SESTD1: variants seen among roughly 807,000 people sequenced by gnomAD.
The protein encoded by SESTD1 is SEC14 and spectrin domain containing 1, also known as SEC14 domain and spectrin repeat-containing protein 1.
In SESTD1, 43 loss-of-function variants were observed where a neutral mutation model predicts 101.7. The ratio of observed to expected loss-of-function variants is 0.42; its 90% CI spans 0.33 to 0.55. The LOEUF (loss-of-function observed/expected upper bound fraction) is 0.55, where lower values mean the gene tolerates loss of function less well. Among genes scored for constraint, SESTD1 ranks in the 20% least tolerant of loss-of-function variants. The pLI is 0.07. For synonymous variants in SESTD1, 283 were observed against 286.8 expected, an observed-to-expected ratio of 0.99 and a Z score of 0.13; for missense variants, 647 against 815.1, an observed-to-expected ratio of 0.79 and a Z score of 2.51.
intron 3 of SESTD1, among the ~76,000 whole-genome samples, chr2:179,177,839 CCAAA>C (rs1222227581): frequency 1.3e-5 from 2 of 152,084 alleles, no homozygotes; most frequent in African/African-American, 4.8e-5. Flanking sequence ...CACAGTATAA[CCAAA>C]CAATGAGACA....
At chr2:179,162,514 A>G (rs1484969124) in intron 5 of SESTD1, 3 of 152,176 alleles carry the variant, frequency 2.0e-5, no homozygotes, top group Non-Finnish European at 4.4e-5. Context: ...ATATCCTCCT[A>G]TTAAAAAATA....
intron 5 of SESTD1, among the ~76,000 whole-genome samples, chr2:179,162,091 GGTTT>G (rs780118470): frequency 9.4e-4 from 143 of 152,012 alleles, no homozygotes; most frequent in Non-Finnish European, 9.3e-4. Context: ...TGACTCTTAT[GGTTT>G]GTTATTCACC....
intron 9 of SESTD1, among the ~76,000 whole-genome samples, chr2:179,134,889 T>C (rs2045102696): frequency 6.6e-6 from 1 of 152,198 alleles, no homozygotes. Context: ...CAATTAATGA[T>C]AGTTTGATCT....
At chr2:179,145,780 C>T (rs1175585136) in intron 8 of SESTD1, among the ~76,000 whole-genome samples, 5 of 152,034 alleles carry the variant, frequency 3.3e-5, no homozygotes, top group Non-Finnish European at 7.4e-5. Context: ...TGGCTTCCTG[C>T]AGTACAAAAT....
chr2:179,128,455 G>A (rs2044929698), intron 10 of SESTD1, among the ~76,000 whole-genome samples: 1 of 152,118 alleles, frequency 6.6e-6, no homozygotes, highest in Non-Finnish European at 1.5e-5. Context: ...GTACGGCCGG[G>A]CACAGTGGCT....
chr2:179,195,701 A>G (rs1312749807), intron 1 of SESTD1, among the ~76,000 whole-genome samples: 2 of 152,226 alleles, frequency 1.3e-5, no homozygotes, highest in Non-Finnish European at 2.9e-5. Flanking sequence ...CGGAAACCTT[A>G]ACTTCCCAAC....
At chr2:179,246,040 AG>A (rs891686815) in intron 1 of SESTD1, among the ~76,000 whole-genome samples, 1 of 152,148 alleles carries the variant, frequency 6.6e-6, no homozygotes, top group Non-Finnish European at 1.5e-5. Flanking sequence ...GCGGACCACA[AG>A]GTCAGGAGTT....
intron 2 of SESTD1, among the ~76,000 whole-genome samples, chr2:179,191,343 T>C (rs909367002): frequency 1.3e-5 from 2 of 152,036 alleles, no homozygotes; most frequent in African/African-American, 4.8e-5. Flanking sequence ...AAACCAAATA[T>C]TGCACATTCT....
rs796463103 is a variant in SESTD1 at position 179,138,067 on chromosome 2, T to C, written c.849+5525A>G. 6.6e-5 allele frequency among the ~76,000 whole-genome samples: 10 copies of C among 152,328 alleles called. 1 individual carries two copies. Among genetic ancestry groups the C allele is most frequent in the African/African-American group, 2.4e-4 (10 of 41,572 alleles). On this transcript the variant is annotated intron_variant, in intron 9 of 17. Coordinates refer to ENST00000428443, the MANE Select transcript of SESTD1 (RefSeq NM_178123.5). ...ACAGAGTACAGAAAACATTATATGCTGAATATTATTGTTCAAACAAATTCA... is the reference window on the plus strand; with the variant it reads ...ACAGAGTACAGAAAACATTATATGCCGAATATTATTGTTCAAACAAATTCA...
intron 5 of SESTD1, among the ~76,000 whole-genome samples, chr2:179,153,157 T>C (rs1407246128): frequency 6.6e-6 from 1 of 152,200 alleles, no homozygotes; most frequent in South Asian, 2.1e-4. Context: ...AATAGACATA[T>C]TCCTATTAAA....
intron 9 of SESTD1, among the ~76,000 whole-genome samples, chr2:179,140,845 A>G (rs1316312273): frequency 1.3e-5 from 2 of 152,206 alleles, no homozygotes; most frequent in Non-Finnish European, 2.9e-5. Flanking sequence ...TGACAGGGTT[A>G]TAACTCCTTC....
At chr2:179,230,437 G>A (rs992224645) in intron 1 of SESTD1, among the ~76,000 whole-genome samples, 1 of 151,792 alleles carries the variant, frequency 6.6e-6, no homozygotes, top group Non-Finnish European at 1.5e-5. Context: ...CACCCGGCCT[G>A]AATTGTATCT....
chr2:179,222,380 T>C (rs958056022), intron 1 of SESTD1, among the ~76,000 whole-genome samples: 1 of 152,174 alleles, frequency 6.6e-6, no homozygotes, highest in African/African-American at 2.4e-5. Context: ...TGAGCAAATT[T>C]GTATATATAG....
intron 1 of SESTD1, among the ~76,000 whole-genome samples, chr2:179,232,694 AAG>A (rs907162008): frequency 2.0e-5 from 3 of 151,794 alleles, no homozygotes; most frequent in Admixed American, 6.5e-5. Flanking sequence ...AAAATTAATA[AAG>A]AGATCTCTAT....
In SESTD1 at chr2:179,128,448, C is replaced by T. The variant is rs139507739; in HGVS notation, c.972+3856G>A. ...TTTCTTCCTAAAAAACGGGTATGTACGGCCGGGCACAGTGGCTCATGCCTG... is the reference window on the plus strand; with the variant it reads ...TTTCTTCCTAAAAAACGGGTATGTATGGCCGGGCACAGTGGCTCATGCCTG... On this transcript the variant is annotated intron_variant, in intron 10 of 17. Coordinates refer to ENST00000428443, the MANE Select transcript of SESTD1 (RefSeq NM_178123.5). 1.4e-3 allele frequency among the ~76,000 whole-genome samples: 216 copies of T among 152,054 alleles called. 1 individual carries two copies. Among genetic ancestry groups the T allele is most frequent in the African/African-American group, 3.8e-3 (158 of 41,490 alleles).
chr2:179,199,391 G>T (rs576614212), intron 1 of SESTD1, among the ~76,000 whole-genome samples: 3 of 152,192 alleles, frequency 2.0e-5, no homozygotes, highest in Admixed American at 6.5e-5. Context: ...GAGGAACTGG[G>T]ACCATTCCTT....
chr2:179,148,798 C>T (rs1205956729), intron 7 of SESTD1, among the ~76,000 whole-genome samples: 3 of 151,984 alleles, frequency 2.0e-5, no homozygotes, highest in African/African-American at 4.8e-5. Context: ...CGGTGGCTCA[C>T]GTCTGTAATC....
Position 179,121,808 on chromosome 2 carries a change from T to C in SESTD1, c.1404A>G (p.Ile468Met). The change falls in exon 13 of 18, where the codon ATA becomes ATG. Residue 468 changes from isoleucine (I) to methionine (M), a missense_variant. Ile to Met is a conservative substitution (Grantham distance 10). Coordinates refer to ENST00000428443, the MANE Select transcript of SESTD1 (RefSeq NM_178123.5). ...TIENKENVDH[I>M]QGVMEDMQLR... ...GCTGCATATCTTCCATCACTCCTTGTATGTGGTCCACATTTTCTTTATTTT... is the reference window on the plus strand; with the variant it reads ...GCTGCATATCTTCCATCACTCCTTGCATGTGGTCCACATTTTCTTTATTTT... The C allele has an allele frequency of 6.2e-7, 1 of 1,607,538 alleles. No individual in the cohort carries two copies. Among genetic ancestry groups the C allele is most frequent in the Non-Finnish European group, 8.5e-7 (1 of 1,177,266 alleles).
rs974379951 is a variant in SESTD1 at position 179,109,452 on chromosome 2, G to A, written c.*447C>T. ...CACAATAAAAATAATCAATTCTGAA[G>A]AATTACAAAGTAAAATTTTGAGGAC... is the stretch of plus-strand genomic sequence containing the variant. On this transcript the variant is annotated 3_prime_UTR_variant, in exon 18 of 18. Transcript: ENST00000428443. 4.2e-5 allele frequency: 15 copies of A among 354,048 alleles called. No homozygotes were observed. The highest frequency in any genetic ancestry group is 6.0e-5 in the Non-Finnish European group (12 of 198,560). 21.9% of individuals were successfully genotyped at this position (354,048 alleles called of 1,614,324 possible).
Sources: allele counts gnomAD v4.1 joint callset (sites outside exome capture counted in the v4.1 genomes callset), GRCh38; gene constraint gnomAD v4.1.1; transcripts MANE v1.5; gene names NCBI Gene and HGNC (gene_info 2026-07-23, HGNC 2026-07-21).